The following ARR3 variants were observed in gnomAD, a reference collection of about 807,000 sequenced individuals.
ARR3 encodes arrestin-C.
A neutral mutation model predicts 35.4 loss-of-function variants in ARR3; 14 were observed. The ratio of observed to expected loss-of-function variants is 0.40; its 90% confidence interval spans 0.26 to 0.62. The LOEUF (loss-of-function observed/expected upper bound fraction) is 0.62. Among genes scored for constraint, ARR3 ranks in the 20% least tolerant of loss-of-function variants. ARR3 has a pLI of 0.46. For missense variants in ARR3, 259 were observed against 303.8 expected (o/e 0.85, Z 1.10); for synonymous variants, 97 against 119.1 (o/e 0.81, Z 1.21).
chrX:70,270,151 G>A lies in ARR3; in HGVS notation c.145+7G>A. 1 of 1,208,108 alleles carries A rather than the reference G, an allele frequency of 8.3e-7. No individual in the cohort carries two copies. Among genetic ancestry groups the A allele is most frequent in the South Asian group, 1.8e-5 (1 of 56,872 alleles). On this transcript the variant is annotated splice_region_variant and intron_variant, in intron 5 of 16. Transcript: ENST00000307959. ...TACTTAAAATGTCGAAAGTGTAAGT[G>A]GAAATCCTTGTTGGTCTTTGTATGT...
intron 12 of ARR3, among the ~76,000 whole-genome samples, chrX:70,279,100 A>C (rs2085667661): frequency 1.8e-5 from 2 of 112,598 alleles, no homozygotes; most frequent in South Asian, 7.4e-4. Context: ...CTGGCTCTGA[A>C]TACTGTGATC....
chrX:70,269,458 T>C, intron 2 of ARR3, 65 bp downstream of exon 2: 2 of 1,083,006 alleles, frequency 1.8e-6, no homozygotes, highest in South Asian at 4.0e-5. Context: ...AGTATTTCCC[T>C]TTGGGGTAGG....
chrX:70,269,146 G>A (rs72628865), intron 1 of ARR3, among the ~76,000 whole-genome samples: 1 of 111,289 alleles, frequency 9.0e-6, no homozygotes, highest in East Asian at 2.9e-4. Flanking sequence ...AAATAGGAAG[G>A]TTTTTTTCCC....
At chrX:70,278,255 G>C (rs1421109177) in intron 11 of ARR3, 117 bp downstream of exon 11, 5 of 734,621 alleles carry the variant, frequency 6.8e-6, no homozygotes, top group African/African-American at 6.4e-5. Flanking sequence ...TTCCAGGGAG[G>C]GATTCCCAGG....
intron 5 of ARR3, among the ~76,000 whole-genome samples, chrX:70,272,450 A>G (rs1460471811): frequency 1.8e-5 from 2 of 112,402 alleles, no homozygotes; most frequent in South Asian, 3.7e-4. Context: ...AAAATGCTAT[A>G]CTAAAAATAA....
At chrX:70,280,164 A>T (rs930066773) in intron 12 of ARR3, 31 bp from the exon 13 acceptor site, 1 of 1,177,692 alleles carries the variant, frequency 8.5e-7, no homozygotes, top group Non-Finnish European at 1.2e-6. Context: ...TCATGCCCCA[A>T]ACACCCTAAA....
chrX:70,269,971 A>G, intron 4 of ARR3, 68 bp downstream of exon 4: 1 of 1,182,128 alleles, frequency 8.5e-7, no homozygotes, highest in Non-Finnish European at 1.1e-6. Flanking sequence ...AAGAAAGTCC[A>G]GGAAAGACCG....
chrX:70,281,040 G>A (rs764607098), intron 15 of ARR3, 59 bp from the exon 16 acceptor site: 4 of 1,161,418 alleles, frequency 3.4e-6, no homozygotes, highest in South Asian at 1.8e-5. Flanking sequence ...TCAGGGAACC[G>A]AAGAGCCTCT....
chrX:70,268,635 G>C (rs1301893461), intron 1 of ARR3, among the ~76,000 whole-genome samples: 1 of 111,734 alleles, frequency 8.9e-6, no homozygotes, highest in African/African-American at 3.3e-5. Flanking sequence ...CCTAGCCCCT[G>C]GGGACCTGGA....
intron 13 of ARR3, 119 bp downstream of exon 13, chrX:70,280,397 C>T (rs2085674821): frequency 1.0e-6 from 1 of 968,225 alleles, no homozygotes; most frequent in Non-Finnish European, 1.4e-6. Flanking sequence ...TCTCCCAGAC[C>T]AGGTTCCCAA....
intron 5 of ARR3, among the ~76,000 whole-genome samples, chrX:70,275,567 A>C (rs889277422): frequency 1.8e-5 from 2 of 110,054 alleles, no homozygotes; most frequent in African/African-American, 6.6e-5. Flanking sequence ...AAGACTTTGA[A>C]TATAAAGAAG....
At position 70,276,494 on chromosome X, in the gene ARR3, T is replaced by C; in HGVS notation, c.405+2T>C. The C allele has an allele frequency of 8.3e-7, 1 of 1,210,285 alleles. No individual in the cohort carries two copies. Among genetic ancestry groups the C allele is most frequent in the Non-Finnish European group, 1.1e-6 (1 of 894,358 alleles). ...CCAGGTCCTGAAGATGCAGGAAAGG[T>C]GAGGACTGGGTTCTAAGAAAGAGGG... On this transcript the variant is annotated splice_donor_variant, in intron 7 of 16. Transcript: ENST00000307959. LOFTEE classifies it high-confidence loss of function.
At chrX:70,275,027 T>C (rs1165068937) in intron 5 of ARR3, among the ~76,000 whole-genome samples, 12 of 112,562 alleles carry the variant, frequency 1.1e-4, no homozygotes, top group African/African-American at 3.9e-4. Context: ...TGTTGATAGA[T>C]TTTTAGATTA....
chrX:70,276,723 A>G lies in ARR3; in HGVS notation c.460A>G (p.Thr154Ala). 8.3e-7 allele frequency: 1 copy of G among 1,210,400 alleles called. No individual in the cohort carries two copies. The highest frequency in any genetic ancestry group is 1.1e-6 in the Non-Finnish European group (1 of 894,597). ...TTTCTGTGCTGAAAACCCAGAGGAG[A>G]CAGTCTCCAAGAGGTATTCTTTGGT... is the stretch of plus-strand genomic sequence containing the variant. ...KSFCAENPEE[T>A]VSKRDYVRLV... The change falls in exon 8 of 17, where the codon ACA becomes GCA. Residue 154 changes from threonine to alanine, a missense_variant. Coordinates refer to ENST00000307959, the MANE Select transcript of ARR3 (RefSeq NM_004312.3).
At chrX:70,280,738 A>C (rs2085677665) in intron 14 of ARR3, 28 bp from the exon 15 acceptor site, 2 of 1,209,927 alleles carry the variant, frequency 1.7e-6, no homozygotes, top group Non-Finnish European at 2.2e-6. Context: ...GAGAGAGGAG[A>C]TGTAACTCCA....
At chrX:70,270,823 C>T (rs1458915669) in intron 5 of ARR3, among the ~76,000 whole-genome samples, 1 of 110,579 alleles carries the variant, frequency 9.0e-6, no homozygotes, top group Non-Finnish European at 1.9e-5. Context: ...AAAACAACAA[C>T]CATAGGAAGT....
intron 13 of ARR3, 84 bp downstream of exon 13, chrX:70,280,362 C>A: frequency 9.9e-7 from 1 of 1,012,824 alleles, no homozygotes; most frequent in Non-Finnish European, 1.4e-6. Flanking sequence ...GTTAGATTGA[C>A]CCAATCAAAC....
chrX:70,278,195 G>A, intron 11 of ARR3, 57 bp downstream of exon 11: 2 of 1,079,023 alleles, frequency 1.9e-6, no homozygotes, highest in Non-Finnish European at 2.6e-6. Context: ...GTGGGAAGAG[G>A]TCCAGGAGGC....
chrX:70,280,188 C>G lies in ARR3; in HGVS notation c.906-7C>G, dbSNP rs2085672915. Reference sequence around the variant, plus strand: ...AAACACCCTAAAACGAATACTACAACCTCCAGTATTAGACCGGGAATGGAC... The same window carrying G: ...AAACACCCTAAAACGAATACTACAAGCTCCAGTATTAGACCGGGAATGGAC... On this transcript the variant is annotated splice_region_variant and splice_polypyrimidine_tract_variant and intron_variant, in intron 12 of 16. Coordinates refer to ENST00000307959, the MANE Select transcript of ARR3 (RefSeq NM_004312.3). 8.3e-7 allele frequency: 1 copy of G among 1,206,466 alleles called. No homozygotes were observed. The highest frequency in any genetic ancestry group is 1.1e-6 in the Non-Finnish European group (1 of 891,202).
Sources: gnomAD v4.1 joint callset for allele counts (sites outside exome capture counted in the v4.1 genomes callset) on GRCh38, gnomAD v4.1.1 for gene constraint, MANE v1.5 for transcripts, NCBI Gene and HGNC (gene_info 2026-07-23, HGNC 2026-07-21) for gene names.